Variants in NDUFA10 observed in about 807,000 individuals in gnomAD.
NDUFA10 encodes NADH dehydrogenase [ubiquinone] 1 alpha subcomplex subunit 10, mitochondrial.
NDUFA10 carries 40 observed loss-of-function variants against 47.8 expected under a neutral mutation model. The observed-to-expected ratio is 0.84, with a 90% CI of 0.65 to 1.09. The LOEUF (loss-of-function observed/expected upper bound fraction) is 1.09, where lower values mean the gene tolerates loss of function less well. NDUFA10 is among the 50% of genes least tolerant of loss of function. NDUFA10 has a pLI of 0.00. For synonymous variants in NDUFA10, 183 were observed against 172.2 expected (o/e 1.06, Z -0.49); for missense variants, 413 against 451.1 (o/e 0.92, Z 0.76).
chr2:239,910,898 C>A (rs1693741622), intron 4 of NDUFA10, among the ~76,000 whole-genome samples: 1 of 152,220 alleles, frequency 6.6e-6, no homozygotes, highest in Non-Finnish European at 1.5e-5. Context: ...AGCTGTCCAA[C>A]AGCTCCGTTG....
chr2:239,935,016 G>A (rs1211216964), intron 4 of NDUFA10, among the ~76,000 whole-genome samples: 1 of 152,176 alleles, frequency 6.6e-6, no homozygotes, highest in Non-Finnish European at 1.5e-5. Flanking sequence ...TGGCGCCCCT[G>A]GAATGGAGGC....
chr2:239,986,943 C>A (rs1347724841), intron 9 of NDUFA10, among the ~76,000 whole-genome samples: 2 of 137,430 alleles, frequency 1.5e-5, no homozygotes, highest in Non-Finnish European at 3.3e-5. Flanking sequence ...TCCCTCAAAA[C>A]CACATTGAGG....
chr2:239,906,101 A>G lies in NDUFA10; in HGVS notation c.295-10787T>C, dbSNP rs1205704102. On this transcript the variant is annotated intron_variant, in intron 4 of 5. Coordinates refer to the NDUFA10 transcript ENST00000419408. This position sits in a 1 kb window ranked among gnomAD's most constrained non-coding sequence, Gnocchi z 4.3. ...GACCTTGAAGCAGCCCTGGCCACAG[A>G]TGTGTGCTGAGCTCATGACCTTCGG... Among the ~76,000 whole-genome samples, 4 of 152,072 alleles carry G rather than the reference A, an allele frequency of 2.6e-5. No homozygotes were observed. In the East Asian group the frequency reaches 5.8e-4, roughly 22 times the overall value.
At chr2:239,949,764 G>A (rs564413908) in intron 4 of NDUFA10, among the ~76,000 whole-genome samples, 24 of 152,310 alleles carry the variant, frequency 1.6e-4, no homozygotes, top group Admixed American at 2.6e-4. Context: ...TTACAGGCGC[G>A]AGCCACCATA....
chr2:239,964,475 C>G (rs1694982745), intron 9 of NDUFA10, among the ~76,000 whole-genome samples: 1 of 152,184 alleles, frequency 6.6e-6, no homozygotes, highest in Non-Finnish European at 1.5e-5. Flanking sequence ...TTGTTTTAAG[C>G]TGCTAGAGAG....
intron 9 of NDUFA10, among the ~76,000 whole-genome samples, chr2:239,979,453 C>G (rs1016911967): frequency 6.6e-6 from 1 of 152,202 alleles, no homozygotes. Context: ...GCCCGCTCCC[C>G]ACCCTGCACC....
At chr2:240,008,389 G>T (rs1305469479) in intron 6 of NDUFA10, among the ~76,000 whole-genome samples, 1 of 152,208 alleles carries the variant, frequency 6.6e-6, no homozygotes, top group Non-Finnish European at 1.5e-5. Flanking sequence ...TTTGCCATTA[G>T]GGCTGGCAAG....
chr2:239,941,711 T>A, intron 4 of NDUFA10, among the ~76,000 whole-genome samples: 1 of 140,736 alleles, frequency 7.1e-6, no homozygotes, highest in African/African-American at 2.6e-5. Context: ...GGCAACAGAG[T>A]AAGACTCTGT....
At position 239,958,957 on chromosome 2, in the gene NDUFA10, G is replaced by A; in HGVS notation, c.*2161C>T. The stretch of plus-strand genomic sequence containing the variant: ...GTTTGTTGGTGCTGTTGTTTTAGTT[G>A]TAAGAGCTTTCGTGAGACGAACGCA... On this transcript the variant is annotated 3_prime_UTR_variant, in exon 10 of 10. Coordinates refer to ENST00000252711, the MANE Select transcript of NDUFA10 (RefSeq NM_004544.4). The A allele has an allele frequency of 1.0e-6, 1 of 985,450 alleles. No individual in the cohort carries two copies. Among genetic ancestry groups the A allele is most frequent in the Non-Finnish European group, 1.2e-6 (1 of 829,942 alleles). The allele number at this position is 985,450 out of a possible 1,614,324, so 61.0% of individuals were successfully genotyped here.
intron 9 of NDUFA10, chr2:239,983,495 TA>T: frequency 1.3e-6 from 2 of 1,582,648 alleles, no homozygotes; most frequent in South Asian, 2.3e-5. Context: ...CAAAATCCTC[TA>T]AACAGTCAGA....
Position 240,014,732 on chromosome 2 carries a change from G to A in NDUFA10, c.669+7C>T, listed in dbSNP as rs1323941309. ...GATGCTTGGCCTTTGATTGAAAACT[G>A]CATTACATCTCCTTTCTTCTGAATC... On this transcript the variant is annotated splice_region_variant and intron_variant, in intron 5 of 9. Transcript: ENST00000252711. 6.2e-7 allele frequency: 1 copy of A among 1,614,070 alleles called. No individual in the cohort carries two copies. Among genetic ancestry groups the A allele is most frequent in the Non-Finnish European group, 8.5e-7 (1 of 1,180,016 alleles).
chr2:239,921,075 CGTTT>C (rs1234421465), intron 4 of NDUFA10, among the ~76,000 whole-genome samples: 1 of 152,086 alleles, frequency 6.6e-6, no homozygotes, highest in African/African-American at 2.4e-5. Flanking sequence ...AGTGTGTGAT[CGTTT>C]GTCAATCAAC....
intron 9 of NDUFA10, among the ~76,000 whole-genome samples, chr2:239,981,542 A>C (rs568550143): frequency 6.6e-6 from 1 of 152,360 alleles, no homozygotes; most frequent in East Asian, 1.9e-4. Context: ...CTACAAAAAC[A>C]CTAAAGTCAG....
intron 9 of NDUFA10, among the ~76,000 whole-genome samples, chr2:239,965,026 C>T (rs573093487): frequency 6.6e-6 from 1 of 152,172 alleles, no homozygotes; most frequent in Non-Finnish European, 1.5e-5. Flanking sequence ...AACACAGGAC[C>T]AGCCACGCAG....
In NDUFA10 at chr2:239,987,997, AAAG is replaced by A. The variant is rs1696074097; in HGVS notation, c.999+2074_999+2076del. Among the ~76,000 whole-genome samples, 2 of 152,242 alleles carry A rather than the reference AAAG, an allele frequency of 1.3e-5. No homozygotes were observed. The highest frequency in any genetic ancestry group is 3.8e-4 in the East Asian group (2 of 5,200). Reference sequence around the variant, plus strand: ...GTGGGGTAAATGGAATAAAGAAAAAAAAGAAGAAAAAATACATAGAACAGGTAG... The same window carrying A: ...GTGGGGTAAATGGAATAAAGAAAAAAAAGAAAAAATACATAGAACAGGTAG... On this transcript the variant is annotated intron_variant, in intron 9 of 9. Coordinates refer to ENST00000252711, the MANE Select transcript of NDUFA10 (RefSeq NM_004544.4). The surrounding 1 kb of genome is among the most constrained non-coding windows in gnomAD (Gnocchi z 4.8).
intron 1 of NDUFA10, among the ~76,000 whole-genome samples, chr2:240,024,961 G>C (rs1697793542): frequency 2.2e-5 from 2 of 90,112 alleles, no homozygotes; most frequent in African/African-American, 5.4e-5. Flanking sequence ...TCCCGCATCA[G>C]GGCAGCCTCG....
chr2:239,960,696 A>G lies in NDUFA10; in HGVS notation c.*422T>C, dbSNP rs906840256. 5 of 1,158,546 alleles carry G rather than the reference A, an allele frequency of 4.3e-6. No individual in the cohort carries two copies. The highest frequency in any genetic ancestry group is 5.4e-6 in the Non-Finnish European group (5 of 926,688). 71.8% of individuals were successfully genotyped at this position (1,158,546 alleles called of 1,614,324 possible). A position where few individuals can be genotyped will look rare whatever the true frequency, so the allele number is the denominator to read the frequency against. On this transcript the variant is annotated 3_prime_UTR_variant, in exon 10 of 10. Coordinates refer to ENST00000252711, the MANE Select transcript of NDUFA10 (RefSeq NM_004544.4). The stretch of plus-strand genomic sequence containing the variant: ...CAGAGCAGCGTGTGTGCACGTGTGC[A>G]GTTTCGACGTGCCCGCACGCACATA...
intron 4 of NDUFA10, among the ~76,000 whole-genome samples, chr2:239,931,064 G>A (rs1048628863): frequency 6.6e-6 from 1 of 152,178 alleles, no homozygotes; most frequent in African/African-American, 2.4e-5. Context: ...GGAGGGTTTT[G>A]AGCAGAGCAG....
At chr2:239,907,486 A>G (rs561050146) in intron 4 of NDUFA10, among the ~76,000 whole-genome samples, 5 of 152,360 alleles carry the variant, frequency 3.3e-5, no homozygotes, top group African/African-American at 1.2e-4. Flanking sequence ...GAAAGTTTTT[A>G]TGATCTACCC....
Sources: allele counts gnomAD v4.1 joint callset (sites outside exome capture counted in the v4.1 genomes callset), GRCh38; gene constraint gnomAD v4.1.1; non-coding constraint Gnocchi (gnomAD v3.1); transcripts MANE v1.5; gene names NCBI Gene and HGNC (gene_info 2026-07-23, HGNC 2026-07-21).